The following SMARCC1 variants were observed in gnomAD, a reference collection of about 807,000 sequenced individuals.
SMARCC1 encodes SWI/SNF related BAF chromatin remodeling complex subunit C1.
In SMARCC1, 43 loss-of-function variants were observed where a neutral mutation model predicts 147.4. That is an observed-to-expected ratio of 0.29 (90% CI 0.23 to 0.38). SMARCC1 has a LOEUF of 0.38. Among genes scored for constraint, SMARCC1 ranks in the 10% least tolerant of loss-of-function variants. The probability of loss-of-function intolerance (pLI) is 1.00; values close to 1 mark genes in which losing one functional copy is unlikely to be tolerated. For synonymous variants in SMARCC1, 495 were observed against 484.4 expected (o/e 1.02, Z -0.29); for missense variants, 1,119 against 1,381.1 (o/e 0.81, Z 3.01).
chr3:47,691,440 C>T (rs1475863604), intron 12 of SMARCC1, among the ~76,000 whole-genome samples: 2 of 151,534 alleles, frequency 1.3e-5, no homozygotes, highest in African/African-American at 4.9e-5. Context: ...ATGGTGAAAC[C>T]GTGTCTCTAC....
chr3:47,646,949 T>C (rs769156110), intron 21 of SMARCC1, among the ~76,000 whole-genome samples: 1 of 152,210 alleles, frequency 6.6e-6, no homozygotes, highest in Non-Finnish European at 1.5e-5. Context: ...TTGTGAAGAC[T>C]TCCCTAATGG....
chr3:47,713,254 C>T (rs573834268), intron 8 of SMARCC1, among the ~76,000 whole-genome samples: 1 of 151,928 alleles, frequency 6.6e-6, no homozygotes, highest in East Asian at 1.9e-4. Context: ...GGAGGTGGAG[C>T]TTGCCGTAAG....
At chr3:47,668,139 T>G (rs190282327) in intron 19 of SMARCC1, among the ~76,000 whole-genome samples, 1 of 152,200 alleles carries the variant, frequency 6.6e-6, no homozygotes, top group African/African-American at 2.4e-5. Context: ...TCTGGTGCCC[T>G]GATTATATCA....
intron 21 of SMARCC1, among the ~76,000 whole-genome samples, chr3:47,651,280 G>C (rs1483740015): frequency 1.3e-5 from 2 of 152,162 alleles, no homozygotes; most frequent in African/African-American, 2.4e-5. Context: ...CTCCAGTCTA[G>C]GCAACAGAGT....
intron 22 of SMARCC1, among the ~76,000 whole-genome samples, chr3:47,638,177 G>A (rs1037070758): frequency 1.2e-4 from 18 of 152,162 alleles, no homozygotes; most frequent in African/African-American, 4.8e-5. Context: ...TGCAAGCTCT[G>A]TCTCTCCCGG....
chr3:47,601,130 CTT>C (rs527274418), intron 26 of SMARCC1, among the ~76,000 whole-genome samples: 1 of 129,152 alleles, frequency 7.7e-6, no homozygotes. Context: ...TTTCTTTTTT[CTT>C]TTTTTTTTTT....
In SMARCC1 at chr3:47,628,057, A is replaced by ATT. The variant is rs1177405526; in HGVS notation, c.2647-5717_2647-5716insAA. Reference sequence around the variant, plus strand: ...TATAGCATGTCTCCTATATATATATATATTTTTTCTTTCATTGAGCTTCTT... The same window carrying ATT: ...TATAGCATGTCTCCTATATATATATATTTATTTTTTCTTTCATTGAGCTTCTT... On this transcript the variant is annotated intron_variant, in intron 24 of 27. Transcript: ENST00000254480. Among the ~76,000 whole-genome samples, 127 of 149,036 alleles carry ATT rather than the reference A, an allele frequency of 8.5e-4. 1 individual carries two copies. Among genetic ancestry groups the ATT allele is most frequent in the African/African-American group, 2.9e-3 (118 of 40,050 alleles).
intron 18 of SMARCC1, among the ~76,000 whole-genome samples, chr3:47,672,882 G>T (rs907160148): frequency 1.3e-5 from 2 of 151,948 alleles, no homozygotes; most frequent in East Asian, 3.9e-4. Flanking sequence ...GGGTTCAAGC[G>T]ACTCTCGAGC....
chr3:47,695,485 A>G (rs1013941039), intron 11 of SMARCC1, among the ~76,000 whole-genome samples: 15 of 152,228 alleles, frequency 9.9e-5, no homozygotes, highest in Admixed American at 9.2e-4. Context: ...TTACTTTGTC[A>G]TCCGGGCGCG....
At chr3:47,636,747 C>A (rs2032973823) in intron 22 of SMARCC1, among the ~76,000 whole-genome samples, 1 of 151,156 alleles carries the variant, frequency 6.6e-6, no homozygotes, top group Non-Finnish European at 1.5e-5. Context: ...AAGAGTGAGA[C>A]TCCATCTCAA....
chr3:47,714,099 TACAC>T (rs1424660625), intron 8 of SMARCC1, among the ~76,000 whole-genome samples: 1 of 152,202 alleles, frequency 6.6e-6, no homozygotes, highest in East Asian at 1.9e-4. Context: ...CACGATGGCT[TACAC>T]CTGTAATCCC....
chr3:47,698,559 T>G (rs529651345), intron 11 of SMARCC1, among the ~76,000 whole-genome samples: 1 of 152,170 alleles, frequency 6.6e-6, no homozygotes, highest in South Asian at 2.1e-4. Context: ...ATATTAATTC[T>G]CTTTCCACAT....
intron 2 of SMARCC1, among the ~76,000 whole-genome samples, chr3:47,767,916 A>ATC (rs1351666905): frequency 1.1e-4 from 17 of 151,442 alleles, no homozygotes; most frequent in Admixed American, 2.6e-4. Context: ...GCTCACTGCA[A>ATC]TCTCTGTCTG....
intron 18 of SMARCC1, 98 bp downstream of exon 18, chr3:47,675,377 T>A: frequency 1.7e-6 from 1 of 584,664 alleles, no homozygotes; most frequent in Non-Finnish European, 3.1e-6. Context: ...TAATTGTTTT[T>A]AAAAATACCA....
chr3:47,620,466 GA>G (rs746084171), intron 25 of SMARCC1, among the ~76,000 whole-genome samples: 639 of 138,092 alleles, frequency 4.6e-3, no homozygotes, highest in Non-Finnish European at 4.8e-3. Context: ...CCGTTTTCAG[GA>G]AAAAAAAAAA....
At chr3:47,661,204 T>G in intron 21 of SMARCC1, 90 bp downstream of exon 21, 1 of 1,111,818 alleles carries the variant, frequency 9.0e-7, no homozygotes, top group Non-Finnish European at 1.3e-6. Context: ...TGTACTCACT[T>G]TTTAGTGCAA....
intron 7 of SMARCC1, among the ~76,000 whole-genome samples, chr3:47,718,453 T>C (rs1364542929): frequency 6.6e-6 from 1 of 152,060 alleles, no homozygotes; most frequent in Non-Finnish European, 1.5e-5. Context: ...AAAGAGAGAA[T>C]GTATTTCTTT....
At chr3:47,711,803 G>T (rs2034087501) in intron 8 of SMARCC1, among the ~76,000 whole-genome samples, 1 of 152,164 alleles carries the variant, frequency 6.6e-6, no homozygotes, top group Non-Finnish European at 1.5e-5. Context: ...TAGTTACACA[G>T]TAATATACAG....
intron 26 of SMARCC1, among the ~76,000 whole-genome samples, chr3:47,600,977 C>A (rs1473472101): frequency 8.5e-6 from 1 of 118,034 alleles, no homozygotes; most frequent in African/African-American, 3.3e-5. Flanking sequence ...TTTTTCCCAG[C>A]AGACAGGGAG....
Sources: gnomAD v4.1 joint callset for allele counts (sites outside exome capture counted in the v4.1 genomes callset) on GRCh38, gnomAD v4.1.1 for gene constraint, MANE v1.5 for transcripts, NCBI Gene and HGNC (gene_info 2026-07-23, HGNC 2026-07-21) for gene names.